Variants in PRRT1B observed in about 807,000 individuals in gnomAD.
The protein encoded by PRRT1B is dispanin subfamily D member 2.
chr9:131,550,325 G>A (rs1951002260), intron 1 of PRRT1B, among the ~76,000 whole-genome samples: 1 of 152,074 alleles, frequency 6.6e-6, no homozygotes, highest in African/African-American at 2.4e-5. Flanking sequence ...TCTCAAACAT[G>A]CTTTCTTTAC....
At chr9:131,559,774 C>T (rs368207161), downstream of PRRT1B, among the ~76,000 whole-genome samples, 5 of 149,876 alleles carry the variant, frequency 3.3e-5, no homozygotes, top group Non-Finnish European at 4.5e-5. Flanking sequence ...GGGAAATTAT[C>T]AAAACTACTA....
At chr9:131,559,136 T>A (rs1285276003), downstream of PRRT1B, among the ~76,000 whole-genome samples, 1 of 152,162 alleles carries the variant, frequency 6.6e-6, no homozygotes. Context: ...AACCTGCATT[T>A]TAACAAGATT....
intron 1 of PRRT1B, among the ~76,000 whole-genome samples, chr9:131,547,557 G>A (rs1265532109): frequency 6.6e-6 from 1 of 152,286 alleles, no homozygotes; most frequent in East Asian, 1.9e-4. Context: ...GCACCCAGGT[G>A]ATTCAAAAGC....
chr9:131,545,784 G>T, intron 1 of PRRT1B, 144 bp downstream of exon 1: 1 of 400,556 alleles, frequency 2.5e-6, no homozygotes. Context: ...GGGTGCTGGA[G>T]GGGGTGTAAG....
intron 2 of PRRT1B, among the ~76,000 whole-genome samples, chr9:131,555,576 T>C (rs564728627): frequency 7.6e-4 from 115 of 152,196 alleles, no homozygotes; most frequent in African/African-American, 2.6e-3. Flanking sequence ...TTCTTGAGGC[T>C]GAGGCAGGAG....
intron 3 of PRRT1B, among the ~76,000 whole-genome samples, chr9:131,556,563 C>T (rs943157966): frequency 2.0e-5 from 3 of 152,082 alleles, no homozygotes; most frequent in African/African-American, 4.8e-5. Flanking sequence ...ATCCATCCAC[C>T]CCATCTCTCC....
downstream of PRRT1B, among the ~76,000 whole-genome samples, chr9:131,558,918 A>G (rs1201281503): frequency 6.6e-6 from 1 of 151,776 alleles, no homozygotes; most frequent in Non-Finnish European, 1.5e-5. Context: ...CACCCTACCC[A>G]CTCCTCTCTG....
chr9:131,557,395 C>T (rs1366120580), intron 3 of PRRT1B, among the ~76,000 whole-genome samples: 3 of 152,048 alleles, frequency 2.0e-5, no homozygotes, highest in African/African-American at 4.8e-5. Flanking sequence ...AAAAATTAGC[C>T]GGGCATGGGG....
intron 1 of PRRT1B, among the ~76,000 whole-genome samples, chr9:131,547,942 A>G (rs899531356): frequency 7.2e-5 from 11 of 152,044 alleles, no homozygotes; most frequent in Admixed American, 3.9e-4. Context: ...AAACTCTGGC[A>G]CCGGTCACGG....
intron 1 of PRRT1B, among the ~76,000 whole-genome samples, chr9:131,552,363 C>T (rs575590794): frequency 1.3e-5 from 2 of 152,336 alleles, no homozygotes; most frequent in East Asian, 3.9e-4. Flanking sequence ...AATATCAGGT[C>T]ATCTCAGGGT....
intron 3 of PRRT1B, among the ~76,000 whole-genome samples, chr9:131,556,941 A>T (rs542245825): frequency 2.0e-5 from 3 of 151,640 alleles, no homozygotes; most frequent in Non-Finnish European, 4.4e-5. Flanking sequence ...CCCATCCACC[A>T]TCTCTCTAGC....
rs143325234 is a variant in PRRT1B, at chr9:131,552,249, C to T, written c.26-2308C>T. On this transcript the variant is annotated intron_variant, in intron 1 of 3. Coordinates refer to ENST00000636672, the Ensembl canonical transcript of PRRT1B. ...AGGCTGGAGTGCAGTGGTTCAATCA[C>T]AGCTCACTGCCCCCTCCTGTGAGGA... 1.8e-4 allele frequency among the ~76,000 whole-genome samples: 27 copies of T among 152,354 alleles called. No homozygotes were observed. The East Asian group carries it at 4.6e-3, about 26-fold the overall frequency.
chr9:131,554,293 C>T (rs905754326), intron 1 of PRRT1B, among the ~76,000 whole-genome samples: 11 of 152,242 alleles, frequency 7.2e-5, no homozygotes, highest in East Asian at 3.9e-4. Context: ...CCAATAGAGG[C>T]CATCTGCCAA....
At chr9:131,556,136 T>G (rs1300870554) in exon 3 of PRRT1B, 2 of 400,994 alleles carry the variant, frequency 5.0e-6, no homozygotes, top group Non-Finnish European at 8.8e-6. Flanking sequence ...GCCAAAGGAC[T>G]ACATGATGGA....
At chr9:131,557,068 C>T (rs746533216) in intron 3 of PRRT1B, among the ~76,000 whole-genome samples, 2 of 152,046 alleles carry the variant, frequency 1.3e-5, no homozygotes, top group South Asian at 2.1e-4. Context: ...ACCCACCAAT[C>T]CCTACCCATC....
intron 3 of PRRT1B, among the ~76,000 whole-genome samples, chr9:131,556,615 T>C (rs1951052228): frequency 6.6e-6 from 1 of 151,206 alleles, no homozygotes; most frequent in African/African-American, 2.4e-5. Flanking sequence ...CATTTATCCA[T>C]CCACCCACCC....
At chr9:131,548,196 G>T (rs1414954215) in intron 1 of PRRT1B, among the ~76,000 whole-genome samples, 2 of 151,728 alleles carry the variant, frequency 1.3e-5, no homozygotes, top group African/African-American at 4.8e-5. Flanking sequence ...CCACTTTCCT[G>T]GGGGGACAAG....
chr9:131,550,928 C>CTTTTCT (rs1336130216), intron 1 of PRRT1B, among the ~76,000 whole-genome samples: 1 of 131,178 alleles, frequency 7.6e-6, no homozygotes, highest in Non-Finnish European at 1.6e-5. Flanking sequence ...TTTTCTTTTT[C>CTTTTCT]TTTTCTTTTT....
At chr9:131,546,517 C>G (rs1950976167) in intron 1 of PRRT1B, among the ~76,000 whole-genome samples, 1 of 151,940 alleles carries the variant, frequency 6.6e-6, no homozygotes, top group Non-Finnish European at 1.5e-5. Flanking sequence ...GCGCACTCCC[C>G]GCCCCCTCAT....
Sources: allele counts gnomAD v4.1 joint callset (sites outside exome capture counted in the v4.1 genomes callset), GRCh38; gene constraint gnomAD v4.1.1; transcripts MANE v1.5; gene names NCBI Gene and HGNC (gene_info 2026-07-23, HGNC 2026-07-21).